ZBBX: variants seen among roughly 807,000 people sequenced by gnomAD.
The protein encoded by ZBBX is zinc finger B-box domain containing.
ZBBX carries 101 observed loss-of-function variants against 108.5 expected under a neutral mutation model. The ratio of observed to expected loss-of-function variants is 0.93; its 90% CI spans 0.79 to 1.10. The LOEUF is 1.10. Among genes scored for constraint, ZBBX ranks in the 50% least tolerant of loss-of-function variants. The pLI is 0.00. For synonymous variants in ZBBX, 356 were observed against 323.4 expected, an observed-to-expected ratio of 1.10 and a Z score of -1.08; for missense variants, 1,009 against 941.4, an observed-to-expected ratio of 1.07 and a Z score of -0.94.
the ZBBX span, among the ~76,000 whole-genome samples, chr3:167,204,198 C>CTTTTTTTTTTTTT: frequency 8.5e-6 from 1 of 118,104 alleles, no homozygotes; most frequent in Non-Finnish European, 1.8e-5. Flanking sequence ...TTCTTTTTTT[C>CTTTTTTTTTTTTT]TTTTTTTTTT....
Position 167,365,896 on chromosome 3 carries a change from T to C in ZBBX, c.263A>G (p.Asn88Ser). 23 of 1,602,234 alleles carry C rather than the reference T, an allele frequency of 1.4e-5. No homozygotes were observed. Among genetic ancestry groups the C allele is most frequent in the Non-Finnish European group, 2.0e-5 (23 of 1,171,558 alleles). The change falls in exon 6 of 22, where the codon AAT (asparagine) becomes AGT (serine). Residue 88 changes from asparagine (N) to serine (S), a missense_variant. Asn to Ser is a conservative substitution (Grantham distance 46). Transcript: ENST00000675490. ...ATAGTATCTTCTTACCTTAACAACA[T>C]TTCCTTTATTTTGTGACATCATATA... is the stretch of plus-strand genomic sequence containing the variant. The part of the protein sequence containing the change: ...QSYMMSQNKG[N>S]VVKFSAGKVK...
rs73879683 is a variant in ZBBX at position 167,362,949 on chromosome 3, T to C, written c.274-2226A>G. Among the ~76,000 whole-genome samples the C allele has an allele frequency of 8.3e-3, 1,255 of 151,896 alleles. 17 individuals carry two copies. The highest frequency in any genetic ancestry group is 0.029 in the African/African-American group (1,199 of 41,462). On this transcript the variant is annotated intron_variant, in intron 6 of 21. Transcript: ENST00000675490. ...TTTCTGCTTGACAGTCTTAGAGACT[T>C]CAATGCACATGTTCACCTGACATCC...
rs887509086 is a variant in ZBBX, at chr3:167,329,680, G to T, written c.688-1564C>A. On this transcript the variant is annotated intron_variant, in intron 10 of 21. Coordinates refer to ENST00000675490, the MANE Select transcript of ZBBX (RefSeq NM_001199201.2). ...AGGACATGGGAGTCAAACAGCATTG[G>T]TGGCATGGAACTATAAGCAGTTTGC... is the stretch of plus-strand genomic sequence containing the variant. Among the ~76,000 whole-genome samples, 4 of 152,284 alleles carry T rather than the reference G, an allele frequency of 2.6e-5. 1 individual carries two copies. In the South Asian group the frequency reaches 8.3e-4, roughly 32 times the overall value.
At chr3:167,383,126 T>C (rs1747802693), upstream of ZBBX, among the ~76,000 whole-genome samples, 1 of 152,090 alleles carries the variant, frequency 6.6e-6, no homozygotes, top group Non-Finnish European at 1.5e-5. Context: ...TACCAAACCT[T>C]TGGAAGAAAA....
intron 6 of ZBBX, among the ~76,000 whole-genome samples, chr3:167,365,187 A>G (rs1275812094): frequency 6.6e-6 from 1 of 151,814 alleles, no homozygotes; most frequent in Non-Finnish European, 1.5e-5. Flanking sequence ...AGAAGCGCCA[A>G]GTAAGATCTT....
chr3:167,203,556 T>A, the ZBBX span, among the ~76,000 whole-genome samples: 6 of 152,140 alleles, frequency 3.9e-5, no homozygotes, highest in African/African-American at 1.2e-4. Flanking sequence ...AGTGAAGTTT[T>A]TTTTCTCCTT....
intron 2 of ZBBX, among the ~76,000 whole-genome samples, chr3:167,375,453 G>A (rs575264501): frequency 1.9e-4 from 29 of 152,074 alleles, no homozygotes; most frequent in African/African-American, 6.8e-4. Context: ...TTAGCCAGGC[G>A]TGGTGGCATA....
chr3:167,283,065 A>G (rs1315684837), intron 19 of ZBBX, among the ~76,000 whole-genome samples: 1 of 152,162 alleles, frequency 6.6e-6, no homozygotes, highest in East Asian at 1.9e-4. Flanking sequence ...CACGTCTCTA[A>G]TTTTCCTACG....
At position 167,322,147 on chromosome 3, in the gene ZBBX, A is replaced by T; in HGVS notation, c.953T>A (p.Met318Lys). The T allele has an allele frequency of 2.2e-6, 3 of 1,386,350 alleles. No homozygotes were observed. The highest frequency in any genetic ancestry group is 2.9e-6 in the Non-Finnish European group (3 of 1,045,304). The allele number at this position is 1,386,350 out of a possible 1,614,324, so 85.9% of individuals were successfully genotyped here. A position where few individuals can be genotyped will look rare whatever the true frequency, so the allele number is the denominator to read the frequency against. Residue 318 changes from methionine (M) to lysine (K), a missense_variant, in exon 12 of 22, where the codon ATG becomes AAG. Transcript: ENST00000675490. ...GTGTTTTTTAAGCCATAATTTTTCC[A>T]TATAGGATAGAATGTCTTCTTTAAG... Reference protein sequence around the residue: ...IELKEDILSYMEKLWLKKHRR... With the variant: ...IELKEDILSYKEKLWLKKHRR...
At chr3:167,210,572 A>G in the ZBBX span, among the ~76,000 whole-genome samples, 1 of 152,142 alleles carries the variant, frequency 6.6e-6, no homozygotes, top group Non-Finnish European at 1.5e-5. Context: ...TAGAACACCA[A>G]GCATATTTAA....
Position 167,318,458 on chromosome 3 carries a change from G to A in ZBBX, c.984-861C>T, listed in dbSNP as rs187039506. Among the ~76,000 whole-genome samples the A allele has an allele frequency of 6.6e-3, 1,001 of 152,016 alleles. 7 individuals carry two copies. The highest frequency in any genetic ancestry group is 0.023 in the African/African-American group (972 of 41,520). On this transcript the variant is annotated intron_variant, in intron 12 of 21. Transcript: ENST00000675490. ...AGACTGAGACACAAAGTGGTGTACC[G>A]ACTTGTTGAGTCATTCAGGTAGTGA... is the stretch of plus-strand genomic sequence containing the variant.
At chr3:167,320,564 G>A (rs1019014336) in intron 12 of ZBBX, among the ~76,000 whole-genome samples, 1 of 151,982 alleles carries the variant, frequency 6.6e-6, no homozygotes, top group African/African-American at 2.4e-5. Context: ...AAATTAGGAG[G>A]TGAAAGTTTA....
chr3:167,178,600 A>G, the ZBBX span, among the ~76,000 whole-genome samples: 1 of 152,154 alleles, frequency 6.6e-6, no homozygotes, highest in Non-Finnish European at 1.5e-5. Flanking sequence ...CATCTGGCTC[A>G]TGATAAGGAT....
chr3:167,296,193 A>G (rs1731663589), intron 18 of ZBBX, among the ~76,000 whole-genome samples: 1 of 152,082 alleles, frequency 6.6e-6, no homozygotes, highest in Non-Finnish European at 1.5e-5. Context: ...ATTTGACAAA[A>G]TCCAACACAC....
chr3:167,200,572 C>G, the ZBBX span, among the ~76,000 whole-genome samples: 1 of 152,164 alleles, frequency 6.6e-6, no homozygotes, highest in Non-Finnish European at 1.5e-5. Context: ...GATCAACCTT[C>G]TTTCTTCTTT....
At chr3:167,191,930 T>TAGAGAGAGAGAGAGAGAGAGAGAG in the ZBBX span, among the ~76,000 whole-genome samples, 2 of 127,262 alleles carry the variant, frequency 1.6e-5, no homozygotes, top group African/African-American at 6.6e-5. Flanking sequence ...TATATATATA[T>TAGAGAGAGAGAGAGAGAGAGAGAG]ATATAGAGCA....
intron 4 of ZBBX, 137 bp from the exon 5 acceptor site, chr3:167,368,711 A>C (rs1389779509): frequency 1.2e-5 from 15 of 1,279,644 alleles, no homozygotes; most frequent in Non-Finnish European, 3.0e-6. Context: ...ACTTCTCCGA[A>C]ATCTGGTTTT....
At chr3:167,285,156 A>G (rs1729481868) in intron 19 of ZBBX, among the ~76,000 whole-genome samples, 1 of 152,114 alleles carries the variant, frequency 6.6e-6, no homozygotes, top group Non-Finnish European at 1.5e-5. Context: ...TAATAAAACT[A>G]AGCCAACTAT....
chr3:167,226,324 T>C, the ZBBX span, among the ~76,000 whole-genome samples: 3 of 151,750 alleles, frequency 2.0e-5, no homozygotes, highest in Middle Eastern at 3.2e-3. Context: ...TTTTATTATA[T>C]GGGCATGTAA....
Sources: gnomAD v4.1 joint callset for allele counts (sites outside exome capture counted in the v4.1 genomes callset) on GRCh38, gnomAD v4.1.1 for gene constraint, MANE v1.5 for transcripts, NCBI Gene and HGNC (gene_info 2026-07-23, HGNC 2026-07-21) for gene names.